STIM1: variants seen among roughly 807,000 people sequenced by gnomAD.
The protein encoded by STIM1 is stromal interaction molecule 1.
Under a neutral mutation model 74.7 loss-of-function variants are expected in STIM1, and 25 were observed. That is an observed-to-expected ratio of 0.33 (90% CI 0.24 to 0.47). STIM1 has a LOEUF of 0.47. Among genes scored for constraint, STIM1 ranks in the 20% least tolerant of loss-of-function variants. The pLI is 1.00. For synonymous variants in STIM1, 328 were observed against 348.8 expected (o/e 0.94, Z 0.66); for missense variants, 728 against 920.8 (o/e 0.79, Z 2.71).
intron 12 of STIM1, among the ~76,000 whole-genome samples, chr11:4,090,803 C>T (rs7934581): frequency 0.12 from 18,953 of 152,168 alleles, 2,212 homozygotes; most frequent in African/African-American, 0.3. Context: ...AAGCCTATGG[C>T]TGCACCAGTT....
intron 1 of STIM1, among the ~76,000 whole-genome samples, chr11:3,893,965 A>G (rs1471051250): frequency 6.6e-6 from 1 of 152,102 alleles, no homozygotes; most frequent in Non-Finnish European, 1.5e-5. Flanking sequence ...TTTTTTGTAG[A>G]GATGGGGTTT....
rs571843912 is a variant in STIM1, at chr11:4,092,401, C to T, written c.*603C>T. ...CCAGGGATCCATGGGGGAGTGAAAC[C>T]AATTCTCAGAGAACAACCCACCAGA... On this transcript the variant is annotated 3_prime_UTR_variant, in exon 13 of 13. Coordinates refer to ENST00000526596, the MANE Select transcript of STIM1 (RefSeq NM_001382567.1). 2 of 164,278 alleles carry T rather than the reference C, an allele frequency of 1.2e-5. No homozygotes were observed. Among genetic ancestry groups the T allele is most frequent in the East Asian group, 3.2e-4 (2 of 6,328 alleles). The allele number at this position is 164,278 out of a possible 1,614,324, so 10.2% of individuals were successfully genotyped here. A position where few individuals can be genotyped will look rare whatever the true frequency, so the allele number is the denominator to read the frequency against.
At chr11:4,022,852 A>G (rs917280549) in intron 2 of STIM1, among the ~76,000 whole-genome samples, 1 of 152,358 alleles carries the variant, frequency 6.6e-6, no homozygotes, top group African/African-American at 2.4e-5. Flanking sequence ...CTCAGGGCCC[A>G]AAAGAGAGAG....
intron 1 of STIM1, among the ~76,000 whole-genome samples, chr11:3,869,061 C>T (rs12275981): frequency 0.37 from 55,922 of 151,918 alleles, 10,962 homozygotes; most frequent in South Asian, 0.48. Context: ...CCCTGCCTCC[C>T]GGGTTCATGC....
chr11:3,923,112 A>C (rs549447224), intron 1 of STIM1, among the ~76,000 whole-genome samples: 77 of 152,140 alleles, frequency 5.1e-4, no homozygotes, highest in Admixed American at 6.5e-4. Context: ...AAAAAAAAAA[A>C]AAACAAACAC....
In STIM1 at chr11:3,952,825, G is replaced by A. The variant is rs532480163; in HGVS notation, c.140-14727G>A. Among the ~76,000 whole-genome samples, 3 of 152,304 alleles carry A rather than the reference G, an allele frequency of 2.0e-5. No homozygotes were observed. The South Asian group carries it at 6.2e-4, about 32-fold the overall frequency. ...TTTCAATTCAGTCAGGAAGGTCATA[G>A]AAACAAAAGGGCAGGCAAATAGGCT... On this transcript the variant is annotated intron_variant, in intron 1 of 12. Transcript: ENST00000526596.
At position 4,091,752 on chromosome 11, in the gene STIM1, G is replaced by C. The variant is rs779204802; in HGVS notation, c.2105G>C (p.Arg702Pro). The change falls in exon 13 of 13, where the codon CGG (arginine) becomes CCG (proline). Residue 702 changes from arginine (R) to proline (P), a missense_variant. Transcript: ENST00000526596. ...IGEETDSSPG[R>P]KKFPLKIFKK... ...GAGGAAACAGACTCCAGCCCAGGCC[G>C]GAAGAAGTTTCCCCTCAAAATCTTT... The C allele has an allele frequency of 1.2e-6, 2 of 1,611,786 alleles. No homozygotes were observed. Among genetic ancestry groups the C allele is most frequent in the African/African-American group, 2.7e-5 (2 of 75,042 alleles).
chr11:4,033,054 C>T (rs1403547764), intron 3 of STIM1, among the ~76,000 whole-genome samples: 3 of 152,124 alleles, frequency 2.0e-5, no homozygotes, highest in South Asian at 4.2e-4. Flanking sequence ...AGGAAGGGAT[C>T]CAGTTTCGGC....
At chr11:3,918,048 T>C (rs937792889) in intron 1 of STIM1, among the ~76,000 whole-genome samples, 7 of 152,156 alleles carry the variant, frequency 4.6e-5, no homozygotes, top group Non-Finnish European at 1.0e-4. Flanking sequence ...AGCCTAGAAG[T>C]AGTTCTACTT....
intron 3 of STIM1, among the ~76,000 whole-genome samples, chr11:4,033,624 C>T (rs184639983): frequency 4.0e-5 from 6 of 149,616 alleles, no homozygotes; most frequent in African/African-American, 1.5e-4. Context: ...GAGTCGGAGT[C>T]TCGCCCTGTC....
intron 1 of STIM1, among the ~76,000 whole-genome samples, chr11:3,884,424 T>G (rs2091631530): frequency 6.6e-6 from 1 of 152,148 alleles, no homozygotes; most frequent in South Asian, 2.1e-4. Context: ...TCCAGCACTT[T>G]GAAGACAAAA....
At chr11:3,937,585 C>T (rs1336617962) in intron 1 of STIM1, among the ~76,000 whole-genome samples, 1 of 152,140 alleles carries the variant, frequency 6.6e-6, no homozygotes, top group East Asian at 1.9e-4. Context: ...ACTGTAGCCA[C>T]AAGAACCTGA....
At chr11:4,033,600 CTT>C (rs547277789) in intron 3 of STIM1, among the ~76,000 whole-genome samples, 7 of 142,686 alleles carry the variant, frequency 4.9e-5, no homozygotes, top group Admixed American at 1.4e-4. Flanking sequence ...CATTTCTAAT[CTT>C]TTTTTTTTTT....
At chr11:3,955,324 C>T (rs1241309244) in intron 1 of STIM1, among the ~76,000 whole-genome samples, 2 of 152,048 alleles carry the variant, frequency 1.3e-5, no homozygotes, top group East Asian at 1.9e-4. Flanking sequence ...GTATGTTTGT[C>T]CAACACATTT....
chr11:4,004,686 C>G (rs2093758356), intron 2 of STIM1, among the ~76,000 whole-genome samples: 6 of 146,798 alleles, frequency 4.1e-5, no homozygotes, highest in Admixed American at 2.0e-4. Flanking sequence ...GCAAGGACTT[C>G]ATGTCTAAAA....
intron 1 of STIM1, among the ~76,000 whole-genome samples, chr11:3,867,674 A>AG (rs1210917402): frequency 6.6e-6 from 1 of 152,188 alleles, no homozygotes; most frequent in Admixed American, 6.5e-5. Flanking sequence ...GACGCTGGGG[A>AG]GGGGCCTCTT....
At chr11:3,914,378 T>C (rs1276149577) in intron 1 of STIM1, among the ~76,000 whole-genome samples, 1 of 152,180 alleles carries the variant, frequency 6.6e-6, no homozygotes, top group Non-Finnish European at 1.5e-5. Flanking sequence ...CATCTGTTGA[T>C]GAATATTTAG....
intron 2 of STIM1, among the ~76,000 whole-genome samples, chr11:3,975,877 G>A (rs1027082967): frequency 1.3e-5 from 2 of 152,214 alleles, no homozygotes; most frequent in Non-Finnish European, 2.9e-5. Context: ...AGAGCCACTG[G>A]AACTCTTGCT....
At chr11:4,067,042 C>T (rs1308070715) in intron 5 of STIM1, among the ~76,000 whole-genome samples, 1 of 152,146 alleles carries the variant, frequency 6.6e-6, no homozygotes, top group African/African-American at 2.4e-5. Context: ...TCTCAAACTC[C>T]ACATCTATAT....
Sources: gnomAD v4.1 joint callset for allele counts (sites outside exome capture counted in the v4.1 genomes callset) on GRCh38, gnomAD v4.1.1 for gene constraint, MANE v1.5 for transcripts, NCBI Gene and HGNC (gene_info 2026-07-23, HGNC 2026-07-21) for gene names.